The following TMEM232 variants were observed in gnomAD, a reference collection of about 807,000 sequenced individuals.
TMEM232 encodes the protein transmembrane protein 232.
A neutral mutation model predicts 78.8 loss-of-function variants in TMEM232; 80 were observed. That is an observed-to-expected ratio of 1.01 (90% CI 0.85 to 1.22). The LOEUF is 1.22. Among genes scored for constraint, TMEM232 ranks in the 50% most tolerant of loss-of-function variants. The pLI, the probability that TMEM232 is intolerant of heterozygous loss-of-function variation, is 0.00. For synonymous variants in TMEM232, 297 were observed against 254.3 expected (o/e 1.17, Z -1.60); for missense variants, 881 against 742.2 (o/e 1.19, Z -2.17).
At chr5:110,580,858 G>T (rs1312519574) in intron 10 of TMEM232, among the ~76,000 whole-genome samples, 1 of 151,344 alleles carries the variant, frequency 6.6e-6, no homozygotes, top group East Asian at 1.9e-4. Context: ...ACAGTGGAAT[G>T]AAACTACCAA....
chr5:110,668,219 G>C (rs554531242), intron 1 of TMEM232, among the ~76,000 whole-genome samples: 3 of 152,074 alleles, frequency 2.0e-5, no homozygotes, highest in Non-Finnish European at 4.4e-5. Flanking sequence ...TATTCTCAGA[G>C]ACTAGAAAGA....
chr5:110,513,896 T>C (rs934321904), intron 12 of TMEM232: 1 of 170,260 alleles, frequency 5.9e-6, no homozygotes, highest in East Asian at 1.9e-4. Context: ...AAATTGCAAT[T>C]AGGTTTGCAC....
At chr5:110,406,301 CACACAT>C (rs1214145515) in intron 2 of TMEM232, among the ~76,000 whole-genome samples, 1 of 144,504 alleles carries the variant, frequency 6.9e-6, no homozygotes, top group East Asian at 2.0e-4. Context: ...CACACACACA[CACACAT>C]ATGTGTCTAT....
At chr5:110,694,067 A>G (rs1158599847) in intron 1 of TMEM232, among the ~76,000 whole-genome samples, 1 of 152,172 alleles carries the variant, frequency 6.6e-6, no homozygotes, top group Non-Finnish European at 1.5e-5. Flanking sequence ...AGGTCGGGAT[A>G]CCCACAAAGG....
rs537948673 is a variant in TMEM232 at position 110,718,728 on chromosome 5, T to C, written c.-13+7899A>G. On this transcript the variant is annotated intron_variant, in intron 1 of 13. Transcript: ENST00000455884. ...CTTCTCTTCTAACACTCCCATTACA[T>C]GAAAGTTGGTGTGCTTAAGGGTTAC... Among the ~76,000 whole-genome samples, 44 of 152,164 alleles carry C rather than the reference T, an allele frequency of 2.9e-4. No homozygotes were observed. The South Asian group carries it at 8.1e-3, about 28-fold the overall frequency.
intron 10 of TMEM232, among the ~76,000 whole-genome samples, chr5:110,592,264 T>C (rs1461944691): frequency 6.6e-6 from 1 of 152,150 alleles, no homozygotes; most frequent in African/African-American, 2.4e-5. Context: ...ATGACAGAGA[T>C]GAAGAAAATT....
intron 12 of TMEM232, among the ~76,000 whole-genome samples, chr5:110,490,797 T>C (rs374937845): frequency 6.6e-6 from 1 of 152,138 alleles, no homozygotes; most frequent in Non-Finnish European, 1.5e-5. Flanking sequence ...ATGTGGACTC[T>C]TATCTCACAT....
intron 10 of TMEM232, among the ~76,000 whole-genome samples, chr5:110,582,350 C>A (rs926927092): frequency 2.0e-5 from 3 of 151,874 alleles, no homozygotes; most frequent in Admixed American, 6.6e-5. Flanking sequence ...GAAATAATAT[C>A]GTTTATGGCA....
In TMEM232 at chr5:110,516,398, A is replaced by G. The variant is rs181785798; in HGVS notation, c.1703+12190T>C. ...AAAATACACTTATGAGAAACCTCAGAAGTAACAAAGTATAGATGTGGGAAT... is the reference window on the plus strand; with the variant it reads ...AAAATACACTTATGAGAAACCTCAGGAGTAACAAAGTATAGATGTGGGAAT... On this transcript the variant is annotated intron_variant, in intron 12 of 13. Transcript: ENST00000455884. 3.6e-3 allele frequency among the ~76,000 whole-genome samples: 548 copies of G among 152,336 alleles called. 4 individuals carry two copies. The highest frequency in any genetic ancestry group is 6.3e-3 in the Non-Finnish European group (430 of 68,026).
At chr5:110,679,167 G>T (rs1209531061) in intron 1 of TMEM232, among the ~76,000 whole-genome samples, 1 of 152,152 alleles carries the variant, frequency 6.6e-6, no homozygotes, top group African/African-American at 2.4e-5. Context: ...AGCACCTGTT[G>T]TTCCATGTCC....
At chr5:110,500,018 G>A (rs773041313) in intron 12 of TMEM232, among the ~76,000 whole-genome samples, 9 of 152,044 alleles carry the variant, frequency 5.9e-5, no homozygotes, top group Admixed American at 1.3e-4. Flanking sequence ...TTGGCCAGGC[G>A]CGGTGGCTCA....
At chr5:110,425,946 A>G (rs937099662) in intron 12 of TMEM232, among the ~76,000 whole-genome samples, 2 of 152,032 alleles carry the variant, frequency 1.3e-5, no homozygotes, top group African/African-American at 4.8e-5. Flanking sequence ...CCTGAAGTAA[A>G]CTGTGCATTT....
chr5:110,598,082 C>CA (rs1385191858), intron 10 of TMEM232, among the ~76,000 whole-genome samples: 1 of 152,078 alleles, frequency 6.6e-6, no homozygotes, highest in Non-Finnish European at 1.5e-5. Context: ...AGGCAACCTA[C>CA]AAAATGGGAG....
At chr5:110,704,925 C>A (rs942492504) in intron 1 of TMEM232, among the ~76,000 whole-genome samples, 1 of 151,970 alleles carries the variant, frequency 6.6e-6, no homozygotes, top group South Asian at 2.1e-4. Context: ...TTCTGGGGGT[C>A]AGGGACCTTA....
At chr5:110,399,720 G>T (rs1401110001) in intron 2 of TMEM232, among the ~76,000 whole-genome samples, 1 of 152,080 alleles carries the variant, frequency 6.6e-6, no homozygotes, top group Non-Finnish European at 1.5e-5. Flanking sequence ...ATTTCCATCA[G>T]CTTCGAAATG....
chr5:110,660,876 T>C lies in TMEM232; in HGVS notation c.125+6352A>G, dbSNP rs972432450. On this transcript the variant is annotated intron_variant, in intron 2 of 13. Coordinates refer to ENST00000455884, the MANE Select transcript of TMEM232 (RefSeq NM_001039763.4). ...CCACTCTTTCAGTAATTTTGAAATA[T>C]ACAATAAATTGTTGTTAAGTTTAGT... Among the ~76,000 whole-genome samples, 3 of 152,184 alleles carry C rather than the reference T, an allele frequency of 2.0e-5. 1 individual carries two copies. The highest frequency in any genetic ancestry group is 3.9e-4 in the East Asian group (2 of 5,190).
rs552745009 is a variant in TMEM232 at position 110,517,091 on chromosome 5, A to G, written c.1703+11497T>C. 2.6e-5 allele frequency among the ~76,000 whole-genome samples: 4 copies of G among 152,200 alleles called. No homozygotes were observed. The South Asian group carries it at 8.3e-4, about 31-fold the overall frequency. ...CACATTTCCACTTGTTGAAAACACA[A>G]AATGGAGATATATAGGCACGCTAAA... is the stretch of plus-strand genomic sequence containing the variant. On this transcript the variant is annotated intron_variant, in intron 12 of 13. Transcript: ENST00000455884.
chr5:110,521,272 ACTAT>A (rs780868714), intron 12 of TMEM232, among the ~76,000 whole-genome samples: 5 of 152,128 alleles, frequency 3.3e-5, no homozygotes, highest in Non-Finnish European at 4.4e-5. Context: ...TCTTTAGAAA[ACTAT>A]CTATTCAAGT....
intron 2 of TMEM232, among the ~76,000 whole-genome samples, chr5:110,411,167 C>G (rs376071551): frequency 6.6e-6 from 1 of 152,140 alleles, no homozygotes; most frequent in African/African-American, 2.4e-5. Flanking sequence ...GTAGGGGCAG[C>G]TTATCTCTGG....
Sources: gnomAD v4.1 joint callset for allele counts (sites outside exome capture counted in the v4.1 genomes callset) on GRCh38, gnomAD v4.1.1 for gene constraint, MANE v1.5 for transcripts, NCBI Gene and HGNC (gene_info 2026-07-23, HGNC 2026-07-21) for gene names.